Variants in PCBP3 observed in about 807,000 individuals in gnomAD.
PCBP3 encodes the protein poly(rC)-binding protein 3.
Under a neutral mutation model 52.7 loss-of-function variants are expected in PCBP3, and 25 were observed. The observed-to-expected ratio is 0.47, with a 90% CI of 0.35 to 0.66. PCBP3 has a LOEUF of 0.66. Ranked by LOEUF, PCBP3 falls within the 30% of genes least tolerant of loss-of-function variation. The pLI, the probability that PCBP3 is intolerant of heterozygous loss-of-function variation, is 0.01. For synonymous variants in PCBP3, 162 were observed against 183.0 expected, an observed-to-expected ratio of 0.89 and a Z score of 0.93; for missense variants, 391 against 490.3, an observed-to-expected ratio of 0.80 and a Z score of 1.91.
intron 2 of PCBP3, among the ~76,000 whole-genome samples, chr21:45,733,741 C>T (rs551741430): frequency 1.3e-4 from 20 of 152,186 alleles, no homozygotes; most frequent in Non-Finnish European, 1.8e-4. Context: ...GTTGGGATTA[C>T]AGGTGCCCAC....
chr21:45,911,564 G>C lies in PCBP3; in HGVS notation c.600+534G>C, dbSNP rs575104443. Among the ~76,000 whole-genome samples, 13 of 152,286 alleles carry C rather than the reference G, an allele frequency of 8.5e-5. No homozygotes were observed. In the South Asian group the frequency reaches 2.7e-3, roughly 32 times the overall value. On this transcript the variant is annotated intron_variant, in intron 11 of 17. Coordinates refer to ENST00000681687, the MANE Select transcript of PCBP3 (RefSeq NM_001384156.1). ...ACAAAAGCATTAAAACGGAAAAGCA[G>C]AGAAGAACCCGCTCAGAGCAGACGC... is the stretch of plus-strand genomic sequence containing the variant.
intron 4 of PCBP3, among the ~76,000 whole-genome samples, chr21:45,799,327 C>G (rs1334281896): frequency 1.3e-5 from 2 of 152,166 alleles, no homozygotes; most frequent in Non-Finnish European, 2.9e-5. Flanking sequence ...CACAGTTTCA[C>G]TTTCTGTGAT....
At chr21:45,728,143 G>A (rs571848998) in intron 2 of PCBP3, among the ~76,000 whole-genome samples, 1 of 152,264 alleles carries the variant, frequency 6.6e-6, no homozygotes, top group East Asian at 1.9e-4. Context: ...GGAAGTGCTT[G>A]GAGGGTACGG....
Position 45,929,923 on chromosome 21 carries a change from A to T in PCBP3, c.724A>T (p.Thr242Ser), listed in dbSNP as rs1369923902. 1 of 1,613,442 alleles carries T rather than the reference A, an allele frequency of 6.2e-7. No individual in the cohort carries two copies. Among genetic ancestry groups the T allele is most frequent in the South Asian group, 1.1e-5 (1 of 91,002 alleles). ...QYAIPHPDQL[T>S]KLHQLAMQQT... ...CGTGTCCCTCCTACCCCAGCAGTTGACCAAGCTCCACCAGTTGGCCATGCA... is the reference window on the plus strand; with the variant it reads ...CGTGTCCCTCCTACCCCAGCAGTTGTCCAAGCTCCACCAGTTGGCCATGCA... The change falls in exon 14 of 18, where the codon ACC becomes TCC. Residue 242 changes from threonine to serine, a missense_variant. Coordinates refer to ENST00000681687, the MANE Select transcript of PCBP3 (RefSeq NM_001384156.1).
chr21:45,727,717 T>C (rs1221123708), intron 2 of PCBP3, among the ~76,000 whole-genome samples: 1 of 151,896 alleles, frequency 6.6e-6, no homozygotes, highest in Non-Finnish European at 1.5e-5. Flanking sequence ...GAGGAGGTGG[T>C]TGGGGTGTGG....
intron 4 of PCBP3, among the ~76,000 whole-genome samples, chr21:45,781,025 G>C (rs1429344410): frequency 2.0e-5 from 3 of 152,150 alleles, no homozygotes; most frequent in African/African-American, 7.2e-5. Context: ...TGTCCCACAG[G>C]AAGGTGATCA....
intron 2 of PCBP3, among the ~76,000 whole-genome samples, chr21:45,690,673 A>T (rs1190611688): frequency 6.6e-6 from 1 of 152,198 alleles, no homozygotes; most frequent in Non-Finnish European, 1.5e-5. Context: ...CAGATACATC[A>T]CAGAAGACAT....
chr21:45,795,164 G>T (rs1013736010), intron 4 of PCBP3, among the ~76,000 whole-genome samples: 1 of 152,130 alleles, frequency 6.6e-6, no homozygotes, highest in African/African-American at 2.4e-5. Context: ...CTAAGAATAA[G>T]AGATGGATTA....
chr21:45,813,931 G>A (rs568438054), intron 4 of PCBP3, among the ~76,000 whole-genome samples: 35 of 152,270 alleles, frequency 2.3e-4, no homozygotes, highest in Admixed American at 8.5e-4. Flanking sequence ...GTCGTGCATC[G>A]CTTAATGACA....
chr21:45,755,045 A>G (rs1487845109), intron 3 of PCBP3, among the ~76,000 whole-genome samples: 1 of 152,192 alleles, frequency 6.6e-6, no homozygotes, highest in Non-Finnish European at 1.5e-5. Flanking sequence ...GAGTTTCAAC[A>G]AATTTATGCA....
At chr21:45,756,709 C>G (rs1381070210) in intron 4 of PCBP3, among the ~76,000 whole-genome samples, 1 of 152,160 alleles carries the variant, frequency 6.6e-6, no homozygotes, top group Non-Finnish European at 1.5e-5. Flanking sequence ...CCTTTCTGTT[C>G]CTATGGATTT....
At chr21:45,848,019 CTT>C (rs2093853044) in intron 4 of PCBP3, 1 of 152,276 alleles carries the variant, frequency 6.6e-6, no homozygotes, top group Non-Finnish European at 1.5e-5. Flanking sequence ...CTCATGTTCT[CTT>C]TGATGTTCTC....
intron 13 of PCBP3, among the ~76,000 whole-genome samples, chr21:45,926,918 G>A (rs1400756512): frequency 6.6e-6 from 1 of 152,192 alleles, no homozygotes; most frequent in Non-Finnish European, 1.5e-5. Flanking sequence ...GGAGAGCGGG[G>A]AGAAGATCTG....
At chr21:45,738,458 G>A (rs932885722) in intron 3 of PCBP3, among the ~76,000 whole-genome samples, 1 of 151,970 alleles carries the variant, frequency 6.6e-6, no homozygotes, top group Non-Finnish European at 1.5e-5. Flanking sequence ...GTTTCACCGT[G>A]TTCGCCAGGA....
At chr21:45,756,736 T>C (rs566347290) in intron 4 of PCBP3, among the ~76,000 whole-genome samples, 1 of 152,230 alleles carries the variant, frequency 6.6e-6, no homozygotes, top group African/African-American at 2.4e-5. Flanking sequence ...TCTGAAGTTT[T>C]GTATTAATGG....
intron 5 of PCBP3, among the ~76,000 whole-genome samples, chr21:45,878,297 C>T (rs1234153341): frequency 6.6e-6 from 1 of 152,240 alleles, no homozygotes; most frequent in East Asian, 1.9e-4. Flanking sequence ...GTGGGGGGGT[C>T]CTCCCGGGGC....
intron 4 of PCBP3, among the ~76,000 whole-genome samples, chr21:45,783,633 A>G (rs2090819088): frequency 6.6e-6 from 1 of 152,212 alleles, no homozygotes; most frequent in Non-Finnish European, 1.5e-5. Flanking sequence ...TGCAAGCTTC[A>G]CAAGGTAGCC....
chr21:45,845,530 T>C (rs2093789727), intron 4 of PCBP3, among the ~76,000 whole-genome samples: 1 of 151,550 alleles, frequency 6.6e-6, no homozygotes, highest in Non-Finnish European at 1.5e-5. Context: ...GTGTGTGCCT[T>C]TGCTGTGTGT....
intron 4 of PCBP3, among the ~76,000 whole-genome samples, chr21:45,786,209 A>C (rs2091147824): frequency 6.6e-6 from 1 of 151,866 alleles, no homozygotes; most frequent in African/African-American, 2.4e-5. Context: ...AAAAAAAAAA[A>C]ATAGTGCCAG....
Sources: gnomAD v4.1 joint callset for allele counts (sites outside exome capture counted in the v4.1 genomes callset) on GRCh38, gnomAD v4.1.1 for gene constraint, MANE v1.5 for transcripts, NCBI Gene and HGNC (gene_info 2026-07-23, HGNC 2026-07-21) for gene names.